The following PEX5L variants were observed in gnomAD, a reference collection of about 807,000 sequenced individuals.
The protein encoded by PEX5L is PEX5-related protein.
A neutral mutation model predicts 84.0 loss-of-function variants in PEX5L; 30 were observed. The observed-to-expected ratio is 0.36, with a 90% CI of 0.27 to 0.48. PEX5L has a LOEUF of 0.48. Ranked by LOEUF, PEX5L falls within the 20% of genes least tolerant of loss-of-function variation. The pLI, the probability that PEX5L is intolerant of heterozygous loss-of-function variation, is 0.99. For synonymous variants in PEX5L, 270 were observed against 283.1 expected, an observed-to-expected ratio of 0.95 and a Z score of 0.46; for missense variants, 533 against 754.6, an observed-to-expected ratio of 0.71 and a Z score of 3.44.
chr3:179,965,954 T>C (rs1783220454), intron 2 of PEX5L, among the ~76,000 whole-genome samples: 1 of 152,194 alleles, frequency 6.6e-6, no homozygotes, highest in African/African-American at 2.4e-5. Context: ...GTACAATATT[T>C]ATTGATGATA....
At chr3:179,813,623 G>C (rs571800105) in intron 10 of PEX5L, among the ~76,000 whole-genome samples, 1 of 150,232 alleles carries the variant, frequency 6.7e-6, no homozygotes, top group African/African-American at 2.5e-5. Context: ...TCAGCCTCCC[G>C]AGTAGCTGGG....
chr3:179,877,282 T>C (rs193248079), intron 5 of PEX5L, among the ~76,000 whole-genome samples: 10 of 152,340 alleles, frequency 6.6e-5, no homozygotes, highest in Admixed American at 1.3e-4. Context: ...TGTTTATCCA[T>C]TCATCTCATG....
At chr3:179,960,324 C>G (rs1431115643) in intron 2 of PEX5L, among the ~76,000 whole-genome samples, 1 of 152,192 alleles carries the variant, frequency 6.6e-6, no homozygotes, top group Non-Finnish European at 1.5e-5. Context: ...ACATCAAACA[C>G]TCGATGCTTC....
chr3:179,947,975 G>C (rs1279199859), intron 2 of PEX5L, among the ~76,000 whole-genome samples: 1 of 151,920 alleles, frequency 6.6e-6, no homozygotes, highest in East Asian at 1.9e-4. Flanking sequence ...CAAAGTGCTG[G>C]GATTACAGAT....
intron 2 of PEX5L, among the ~76,000 whole-genome samples, chr3:179,903,969 C>G (rs1762289286): frequency 6.6e-6 from 1 of 152,140 alleles, no homozygotes; most frequent in South Asian, 2.1e-4. Context: ...GAAGCATGGA[C>G]AGAATTTGCT....
intron 8 of PEX5L, among the ~76,000 whole-genome samples, chr3:179,831,360 A>C (rs1311087262): frequency 6.6e-6 from 1 of 151,802 alleles, no homozygotes; most frequent in Non-Finnish European, 1.5e-5. Context: ...GTGCTTTTCT[A>C]ATGTCTTTAT....
chr3:180,016,054 T>C (rs577752369), intron 1 of PEX5L, among the ~76,000 whole-genome samples: 4 of 151,970 alleles, frequency 2.6e-5, no homozygotes, highest in African/African-American at 9.7e-5. Context: ...ATGACTGATT[T>C]GGGGAAAAAA....
At chr3:179,940,681 C>T (rs1282399725) in intron 2 of PEX5L, among the ~76,000 whole-genome samples, 1 of 152,172 alleles carries the variant, frequency 6.6e-6, no homozygotes, top group Non-Finnish European at 1.5e-5. Context: ...CACTTTTGCT[C>T]TGCCTGTATA....
intron 2 of PEX5L, among the ~76,000 whole-genome samples, chr3:179,950,608 C>A (rs1041249015): frequency 2.0e-5 from 3 of 152,218 alleles, no homozygotes; most frequent in Non-Finnish European, 4.4e-5. Context: ...CCATTGCATA[C>A]ACTATCCCCA....
At chr3:179,975,104 G>C (rs969421961) in intron 1 of PEX5L, among the ~76,000 whole-genome samples, 1 of 152,098 alleles carries the variant, frequency 6.6e-6, no homozygotes, top group Non-Finnish European at 1.5e-5. Context: ...TGGGAGGATC[G>C]CTTGAGTGCA....
intron 1 of PEX5L, among the ~76,000 whole-genome samples, chr3:179,975,206 A>T (rs556731154): frequency 1.2e-4 from 18 of 152,280 alleles, no homozygotes; most frequent in African/African-American, 4.1e-4. Context: ...AAGAAAAATT[A>T]AAAAAAGAAA....
intron 1 of PEX5L, among the ~76,000 whole-genome samples, chr3:180,018,228 A>T (rs1468923626): frequency 6.6e-6 from 1 of 152,236 alleles, no homozygotes; most frequent in East Asian, 1.9e-4. Flanking sequence ...TGTTTCATAT[A>T]ATATTTTTAT....
At chr3:179,894,944 T>C (rs1758759757) in intron 3 of PEX5L, among the ~76,000 whole-genome samples, 1 of 152,106 alleles carries the variant, frequency 6.6e-6, no homozygotes, top group South Asian at 2.1e-4. Context: ...AGTCATTTCA[T>C]TCTCATAAAG....
At chr3:179,980,453 T>C (rs956395) in intron 1 of PEX5L, among the ~76,000 whole-genome samples, 59,542 of 151,974 alleles carry the variant, frequency 0.39, 12,402 homozygotes, top group East Asian at 0.75. Context: ...CCTTGACAAC[T>C]GCAGGCATCC....
rs948951322 is a variant in PEX5L, at chr3:179,798,130, C to T, written c.*3698G>A. 10 of 151,994 alleles carry T rather than the reference C, an allele frequency of 6.6e-5. No individual in the cohort carries two copies. Among genetic ancestry groups the T allele is most frequent in the Admixed American group, 2.0e-4 (3 of 15,270 alleles). 9.4% of individuals were successfully genotyped at this position (151,994 alleles called of 1,614,324 possible). A position where few individuals can be genotyped will look rare whatever the true frequency, so the allele number is the denominator to read the frequency against. ...CTATACAAGTATTTAGACATGGGTC[C>T]CACGTTCAATATAATAGTATCTTAA... On this transcript the variant is annotated 3_prime_UTR_variant, in exon 15 of 15. Transcript: ENST00000467460.
intron 1 of PEX5L, among the ~76,000 whole-genome samples, chr3:179,978,504 C>T (rs1370807794): frequency 6.6e-6 from 1 of 152,134 alleles, no homozygotes; most frequent in Non-Finnish European, 1.5e-5. Context: ...ACTCAACTAC[C>T]TAGATTCTAC....
intron 1 of PEX5L, among the ~76,000 whole-genome samples, chr3:180,020,912 A>T (rs1181418704): frequency 6.6e-6 from 1 of 152,182 alleles, no homozygotes; most frequent in African/African-American, 2.4e-5. Context: ...TCTTTATTTA[A>T]TCCAACATGT....
At chr3:180,024,717 C>A (rs1790785812) in intron 1 of PEX5L, among the ~76,000 whole-genome samples, 2 of 151,868 alleles carry the variant, frequency 1.3e-5, no homozygotes, top group African/African-American at 2.4e-5. Flanking sequence ...CTCACATGTG[C>A]ATGCATGTGT....
intron 7 of PEX5L, among the ~76,000 whole-genome samples, chr3:179,872,852 C>T (rs1750837556): frequency 6.6e-6 from 1 of 152,212 alleles, no homozygotes; most frequent in African/African-American, 2.4e-5. Flanking sequence ...AAATATTTTT[C>T]TGATATAGTA....
Sources: allele counts gnomAD v4.1 joint callset (sites outside exome capture counted in the v4.1 genomes callset), GRCh38; gene constraint gnomAD v4.1.1; transcripts MANE v1.5; gene names NCBI Gene and HGNC (gene_info 2026-07-23, HGNC 2026-07-21).